The following ZNF253 variants were observed in gnomAD, a reference collection of about 807,000 sequenced individuals.
ZNF253 encodes the protein DNA-binding protein.
Under a neutral mutation model 11.9 loss-of-function variants are expected in ZNF253, and 8 were observed. That is an observed-to-expected ratio of 0.67 (90% CI 0.40 to 1.22). The LOEUF (loss-of-function observed/expected upper bound fraction) is 1.22, where lower values mean the gene tolerates loss of function less well. Ranked by LOEUF, ZNF253 falls within the 50% of genes most tolerant of loss-of-function variation. The probability of loss-of-function intolerance (pLI) is 0.01; values close to 1 mark genes in which losing one functional copy is unlikely to be tolerated. For missense variants in ZNF253, 485 were observed against 586.9 expected (o/e 0.83, Z 1.79); for synonymous variants, 194 against 194.9 (o/e 1.00, Z 0.04).
At chr19:19,873,489 T>G (rs1460498439) in intron 1 of ZNF253, among the ~76,000 whole-genome samples, 2 of 152,136 alleles carry the variant, frequency 1.3e-5, no homozygotes, top group East Asian at 3.8e-4. Flanking sequence ...AGAGCAGAAT[T>G]GTGTCAGGCT....
At chr19:19,885,627 A>G (rs372326119) in intron 3 of ZNF253, among the ~76,000 whole-genome samples, 71 of 151,904 alleles carry the variant, frequency 4.7e-4, no homozygotes, top group African/African-American at 1.6e-3. Context: ...TCCTGACCTC[A>G]TGATCCGTCC....
At chr19:19,868,873 C>T (rs1269460748) in intron 1 of ZNF253, among the ~76,000 whole-genome samples, 1 of 152,026 alleles carries the variant, frequency 6.6e-6, no homozygotes, top group Non-Finnish European at 1.5e-5. Context: ...GATATTCTCT[C>T]TTTTCTTAAG....
intron 3 of ZNF253, among the ~76,000 whole-genome samples, chr19:19,891,239 G>A (rs2063228245): frequency 6.6e-6 from 1 of 152,128 alleles, no homozygotes; most frequent in South Asian, 2.1e-4. Flanking sequence ...GTGGCTATTT[G>A]CATTCTGCTC....
At chr19:19,876,224 T>C (rs1278247344) in intron 1 of ZNF253, among the ~76,000 whole-genome samples, 1 of 152,182 alleles carries the variant, frequency 6.6e-6, no homozygotes, top group Non-Finnish European at 1.5e-5. Flanking sequence ...AAACACCCAT[T>C]TATGGACCCT....
At chr19:19,869,779 C>T (rs563431473) in intron 1 of ZNF253, among the ~76,000 whole-genome samples, 1 of 147,380 alleles carries the variant, frequency 6.8e-6, no homozygotes, top group East Asian at 2.1e-4. Context: ...AAGTAATTCT[C>T]CTGCCTCAGC....
At chr19:19,884,396 G>A (rs1285966587) in intron 3 of ZNF253, among the ~76,000 whole-genome samples, 3 of 150,364 alleles carry the variant, frequency 2.0e-5, no homozygotes, top group Non-Finnish European at 3.0e-5. Context: ...TTTTGAGATC[G>A]AGTCTCCCGC....
chr19:19,878,509 T>C lies in ZNF253; in HGVS notation c.32T>C (p.Ile11Thr), dbSNP rs1362739086. The C allele has an allele frequency of 1.2e-6, 2 of 1,614,030 alleles. No individual in the cohort carries two copies. Among genetic ancestry groups the C allele is most frequent in the Non-Finnish European group, 1.7e-6 (2 of 1,179,974 alleles). Reference sequence around the variant, plus strand: ...CCATTGCAATTTAGAGATGTGGCCATAGAATTCTCTCTGGAGGAGTGGCAT... The same window carrying C: ...CCATTGCAATTTAGAGATGTGGCCACAGAATTCTCTCTGGAGGAGTGGCAT... MGPLQFRDVA[I>T]EFSLEEWHCL... Residue 11 changes from isoleucine to threonine, a missense_variant, in exon 2 of 4, where the codon ATA becomes ACA. Ile to Thr is a moderately conservative substitution (Grantham distance 89, BLOSUM62 -1). Around this residue, in one of 3 missense-constraint regions of ZNF253, gnomAD observed 35 missense variants for 52.4 expected, o/e 0.67. Coordinates refer to ENST00000589717, the MANE Select transcript of ZNF253 (RefSeq NM_021047.3).
At chr19:19,866,437 T>A (rs1453250117) in intron 1 of ZNF253, among the ~76,000 whole-genome samples, 6 of 151,912 alleles carry the variant, frequency 3.9e-5, no homozygotes, top group Non-Finnish European at 8.8e-5. Flanking sequence ...CATATTTACT[T>A]CTGAAGAAGA....
At chr19:19,884,135 G>T (rs1158087393) in intron 3 of ZNF253, among the ~76,000 whole-genome samples, 1 of 151,606 alleles carries the variant, frequency 6.6e-6, no homozygotes, top group African/African-American at 2.4e-5. Context: ...TTTAATTCAG[G>T]TGACATAATA....
At position 19,874,048 on chromosome 19, in the gene ZNF253, A is replaced by G. The variant is rs146674529; in HGVS notation, c.4-4433A>G. On this transcript the variant is annotated intron_variant, in intron 1 of 3. Transcript: ENST00000589717. ...CTCAGCCTCCAGAGTGTCCGGGATT[A>G]CAGGTGCCCACCACCATGCCCAGCT... is the stretch of plus-strand genomic sequence containing the variant. 2.9e-3 allele frequency among the ~76,000 whole-genome samples: 436 copies of G among 152,136 alleles called. 4 individuals are homozygous for G. Among genetic ancestry groups the G allele is most frequent in the African/African-American group, 9.9e-3 (411 of 41,534 alleles).
At chr19:19,889,727 C>T (rs1193642307) in intron 3 of ZNF253, among the ~76,000 whole-genome samples, 1 of 152,120 alleles carries the variant, frequency 6.6e-6, no homozygotes, top group East Asian at 1.9e-4. Context: ...GCAAGCTTCC[C>T]ATCTTGGGTT....
At chr19:19,885,552 G>A (rs978021982) in intron 3 of ZNF253, among the ~76,000 whole-genome samples, 1 of 151,638 alleles carries the variant, frequency 6.6e-6, no homozygotes, top group Non-Finnish European at 1.5e-5. Flanking sequence ...CACCATGCCC[G>A]GCTAAGTTTT....
chr19:19,891,851 T>G lies in ZNF253; in HGVS notation c.604T>G (p.Cys202Gly), dbSNP rs1381702393. The part of the protein sequence containing the change: ...KIHTGEKPYR[C>G]EECGKAFNQS... ...TCATACTGGAGAGAAACCTTACAGA[T>G]GTGAAGAATGTGGCAAAGCTTTTAA... The change falls in exon 4 of 4, where the codon TGT becomes GGT. Residue 202 changes from cysteine (C) to glycine (G), a missense_variant. Cys to Gly is a radical substitution (Grantham distance 159, BLOSUM62 -3). This residue lies in a region of ZNF253 where 218 missense variants were observed against 213.1 expected (regional missense o/e 1.02). Transcript: ENST00000589717. The G allele has an allele frequency of 6.2e-7, 1 of 1,614,176 alleles. No individual in the cohort carries two copies. The highest frequency in any genetic ancestry group is 1.1e-5 in the South Asian group (1 of 91,080).
At chr19:19,885,257 TTCTTTCTTTC>T in intron 3 of ZNF253, among the ~76,000 whole-genome samples, 1 of 67,448 alleles carries the variant, frequency 1.5e-5, no homozygotes, top group East Asian at 8.1e-4. Flanking sequence ...CTTTCTTTCT[TTCTTTCTTTC>T]TTTCTTTCTT....
In ZNF253 at chr19:19,892,765, CCCTA is replaced by C. The variant is rs1568502560; in HGVS notation, c.*19_*22del. 5 of 1,563,958 alleles carry C rather than the reference CCCTA, an allele frequency of 3.2e-6. No homozygotes were observed. Among genetic ancestry groups the C allele is most frequent in the Non-Finnish European group, 1.7e-6 (2 of 1,158,976 alleles). On this transcript the variant is annotated 3_prime_UTR_variant, in exon 4 of 4. Transcript: ENST00000589717. ...TAAGATAATTCATACTGGAGAGAAA[CCCTA>C]TGAATGTGATGAATGTGGGAAAGCC...
chr19:19,880,249 A>G, intron 3 of ZNF253, 103 bp downstream of exon 3: 1 of 854,796 alleles, frequency 1.2e-6, no homozygotes, highest in Non-Finnish European at 1.7e-6. Flanking sequence ...GCTGTGTTCC[A>G]AAGGAAATAG....
intron 3 of ZNF253, among the ~76,000 whole-genome samples, chr19:19,888,153 T>C (rs1185752805): frequency 1.3e-5 from 2 of 148,952 alleles, no homozygotes; most frequent in Non-Finnish European, 3.0e-5. Flanking sequence ...AACCTCTGCC[T>C]CTAAGGTTCA....
upstream of ZNF253, chr19:19,865,880 A>G (rs2063108260): frequency 7.5e-7 from 1 of 1,326,712 alleles, no homozygotes; most frequent in Non-Finnish European, 1.1e-6. Flanking sequence ...CGGGAGCTCC[A>G]GGTTTATCCT....
intron 1 of ZNF253, among the ~76,000 whole-genome samples, chr19:19,874,891 G>A (rs932358169): frequency 6.6e-6 from 1 of 152,146 alleles, no homozygotes; most frequent in African/African-American, 2.4e-5. Flanking sequence ...CAGCCTGGGC[G>A]ACAGAGAGAC....
Sources: gnomAD v4.1 joint callset for allele counts (sites outside exome capture counted in the v4.1 genomes callset) on GRCh38, gnomAD v4.1.1 for gene constraint, gnomAD v4.1.1 regional missense constraint, MANE v1.5 for transcripts, NCBI Gene and HGNC (gene_info 2026-07-23, HGNC 2026-07-21) for gene names.